Variants in FAM135B observed in about 807,000 individuals in gnomAD.
FAM135B encodes protein FAM135B.
FAM135B carries 43 observed loss-of-function variants against 127.7 expected under a neutral mutation model. The observed-to-expected ratio is 0.34, with a 90% confidence interval of 0.26 to 0.43. FAM135B has a LOEUF of 0.43. FAM135B is among the 20% of genes least tolerant of loss of function. The pLI is 1.00. For missense variants in FAM135B, 1,558 were observed against 1,725.6 expected, an observed-to-expected ratio of 0.90 and a Z score of 1.72; for synonymous variants, 670 against 665.1, an observed-to-expected ratio of 1.01 and a Z score of -0.11.
chr8:138,367,475 C>T (rs1295818633), intron 2 of FAM135B: 24 of 457,470 alleles, frequency 5.2e-5, no homozygotes, highest in Non-Finnish European at 1.0e-4. Context: ...CCAACCTTAT[C>T]AGTTTTTGAA....
intron 1 of FAM135B, among the ~76,000 whole-genome samples, chr8:138,378,783 A>T (rs1395019024): frequency 6.6e-6 from 1 of 152,022 alleles, no homozygotes; most frequent in Non-Finnish European, 1.5e-5. Context: ...CATCCCACAC[A>T]ATGCCAAGTT....
In FAM135B at chr8:138,178,691, C is replaced by A. The variant is rs2130984120; in HGVS notation, c.874-1G>T. On this transcript the variant is annotated splice_acceptor_variant, in intron 9 of 19. Coordinates refer to ENST00000395297, the MANE Select transcript of FAM135B (RefSeq NM_015912.4). LOFTEE classifies it high-confidence loss of function. The stretch of plus-strand genomic sequence containing the variant: ...CGATCTTCTCTGGATTGTTCAACAT[C>A]TGGAGAGGCAAAAAAGGTGGTATTC... 1 of 1,602,384 alleles carries A rather than the reference C, an allele frequency of 6.2e-7. No homozygotes were observed. The highest frequency in any genetic ancestry group is 8.5e-7 in the Non-Finnish European group (1 of 1,173,614).
At chr8:138,340,833 C>T (rs887284140) in intron 2 of FAM135B, among the ~76,000 whole-genome samples, 2 of 152,308 alleles carry the variant, frequency 1.3e-5, no homozygotes, top group African/African-American at 4.8e-5. Context: ...GTTCAAGGTT[C>T]ACTTTCTTGG....
chr8:138,269,923 G>C (rs2130666658), intron 3 of FAM135B, among the ~76,000 whole-genome samples: 1 of 152,308 alleles, frequency 6.6e-6, no homozygotes, highest in Non-Finnish European at 1.5e-5. Flanking sequence ...CTAGGAACGG[G>C]AAGGACAGAA....
At chr8:138,259,626 A>T (rs1373403064) in intron 4 of FAM135B, among the ~76,000 whole-genome samples, 1 of 152,206 alleles carries the variant, frequency 6.6e-6, no homozygotes, top group Non-Finnish European at 1.5e-5. Context: ...CATCCTGCAC[A>T]CTGGTCACAA....
In FAM135B at chr8:138,478,836, G is replaced by A. The variant is rs144015815; in HGVS notation, c.-20+17835C>T. 5.9e-5 allele frequency among the ~76,000 whole-genome samples: 9 copies of A among 152,258 alleles called. No homozygotes were observed. The East Asian group carries it at 1.5e-3, about 26-fold the overall frequency. ...CACTCACAGATAAAACATCTCTGCCGGCAGATGTGTTGGTTTTGCACACTG... is the reference window on the plus strand; with the variant it reads ...CACTCACAGATAAAACATCTCTGCCAGCAGATGTGTTGGTTTTGCACACTG... On this transcript the variant is annotated intron_variant, in intron 1 of 19. Transcript: ENST00000395297.
chr8:138,204,078 TC>T (rs1454666958), intron 7 of FAM135B, among the ~76,000 whole-genome samples: 2 of 152,164 alleles, frequency 1.3e-5, no homozygotes, highest in East Asian at 3.9e-4. Flanking sequence ...GTCACTCACC[TC>T]CTACTATGCA....
At chr8:138,195,641 C>CACACACACACACACAA (rs922823764) in intron 8 of FAM135B, among the ~76,000 whole-genome samples, 1 of 152,018 alleles carries the variant, frequency 6.6e-6, no homozygotes, top group Admixed American at 6.6e-5. Flanking sequence ...GGTACACACA[C>CACACACACACACACAA]ACACACACAC....
chr8:138,233,466 A>G (rs1423395586), intron 7 of FAM135B, among the ~76,000 whole-genome samples: 1 of 152,308 alleles, frequency 6.6e-6, no homozygotes, highest in Admixed American at 6.5e-5. Context: ...ATATCCACAC[A>G]TAAAAGAATG....
chr8:138,142,288 C>CTTTTTTTTTT (rs71316322), intron 16 of FAM135B, among the ~76,000 whole-genome samples: 4 of 62,366 alleles, frequency 6.4e-5, no homozygotes, highest in Non-Finnish European at 9.5e-5. Flanking sequence ...TCTGCTTCTT[C>CTTTTTTTTTT]TTTTTTTTTT....
chr8:138,359,086 A>G (rs936100470), intron 2 of FAM135B, among the ~76,000 whole-genome samples: 4 of 152,224 alleles, frequency 2.6e-5, no homozygotes, highest in Admixed American at 1.3e-4. Flanking sequence ...TGTCCAAAAA[A>G]TAATCCAGAA....
chr8:138,420,163 C>T (rs1253048861), intron 1 of FAM135B, among the ~76,000 whole-genome samples: 1 of 151,854 alleles, frequency 6.6e-6, no homozygotes, highest in African/African-American at 2.4e-5. Context: ...GGGGACACTA[C>T]CACTGACCCA....
chr8:138,290,402 C>T (rs113413598), intron 3 of FAM135B, among the ~76,000 whole-genome samples: 1,744 of 152,292 alleles, frequency 0.011, 22 homozygotes, highest in Middle Eastern at 0.024. Context: ...CCCAGATTTT[C>T]TTTCTTTAAA....
intron 1 of FAM135B, among the ~76,000 whole-genome samples, chr8:138,447,035 C>G (rs1836209051): frequency 6.6e-6 from 1 of 152,008 alleles, no homozygotes; most frequent in Non-Finnish European, 1.5e-5. Context: ...ATTTATGCAG[C>G]CAAAAAACAC....
At chr8:138,251,995 A>G (rs1821733809) in intron 5 of FAM135B, among the ~76,000 whole-genome samples, 1 of 152,054 alleles carries the variant, frequency 6.6e-6, no homozygotes, top group Admixed American at 6.6e-5. Context: ...CTTCCTTGAA[A>G]CCCTTGTTCC....
At chr8:138,458,742 G>A (rs1836947515) in intron 1 of FAM135B, among the ~76,000 whole-genome samples, 1 of 152,162 alleles carries the variant, frequency 6.6e-6, no homozygotes, top group Non-Finnish European at 1.5e-5. Context: ...TGGCCTGGAT[G>A]ACCTAAAATA....
chr8:138,475,258 A>G (rs1035190642), intron 1 of FAM135B, among the ~76,000 whole-genome samples: 21 of 152,126 alleles, frequency 1.4e-4, no homozygotes, highest in African/African-American at 5.1e-4. Flanking sequence ...TGGTTTTCAC[A>G]CCACCCACAA....
Position 138,243,415 on chromosome 8 carries a change from C to A in FAM135B, c.543-347G>T, listed in dbSNP as rs1230103577. On this transcript the variant is annotated intron_variant, in intron 6 of 19. Transcript: ENST00000395297. This position sits in a 1 kb window ranked among gnomAD's most constrained non-coding sequence, Gnocchi z 7.5. ...GCATGGGCTCCGAAAATTTCAGGGG[C>A]AACTCTGACCAGACAAGGTCTGAGT... is the stretch of plus-strand genomic sequence containing the variant. Among the ~76,000 whole-genome samples, 1 of 152,186 alleles carries A rather than the reference C, an allele frequency of 6.6e-6. No homozygotes were observed. The highest frequency in any genetic ancestry group is 1.5e-5 in the Non-Finnish European group (1 of 68,032).
intron 11 of FAM135B, among the ~76,000 whole-genome samples, chr8:138,169,339 TTTAACTCTTTAAATGTTCTTCTCTGAATA>T (rs1820220314): frequency 7.5e-6 from 1 of 134,202 alleles, no homozygotes; most frequent in Non-Finnish European, 1.5e-5. Flanking sequence ...TCTCTGAATA[TTTAACTCTTTAAATGTTCTTCTCTGAATA>T]TTTAACTCTT....
Sources: gnomAD v4.1 joint callset for allele counts (sites outside exome capture counted in the v4.1 genomes callset) on GRCh38, gnomAD v4.1.1 for gene constraint, Gnocchi (gnomAD v3.1) non-coding constraint, MANE v1.5 for transcripts, NCBI Gene and HGNC (gene_info 2026-07-23, HGNC 2026-07-21) for gene names.